VWDE: variants seen among roughly 807,000 people sequenced by gnomAD.
VWDE encodes von Willebrand factor D and EGF domains.
Under a neutral mutation model 178.4 loss-of-function variants are expected in VWDE, and 207 were observed. The observed-to-expected ratio is 1.16, with a 90% CI of 1.04 to 1.30. VWDE has a LOEUF of 1.30. VWDE is among the 50% of genes most tolerant of loss of function. The pLI, the probability that VWDE is intolerant of heterozygous loss-of-function variation, is 0.00. For synonymous variants in VWDE, 738 were observed against 651.4 expected, an observed-to-expected ratio of 1.13 and a Z score of -2.02; for missense variants, 2,287 against 1,901.3, an observed-to-expected ratio of 1.20 and a Z score of -3.77.
Position 12,364,622 on chromosome 7 carries a change from G to A in VWDE, c.2898+2735C>T, listed in dbSNP as rs1384783912. 3.3e-5 allele frequency among the ~76,000 whole-genome samples: 5 copies of A among 152,096 alleles called. No individual in the cohort carries two copies. The East Asian group carries it at 9.7e-4, about 29-fold the overall frequency. ...GAGTAAATAAATGAATAAATAAATT[G>A]GAAACAAGGAACAGCTCTTCCTTTC... On this transcript the variant is annotated intron_variant, in intron 13 of 28. Coordinates refer to ENST00000275358, the MANE Select transcript of VWDE (RefSeq NM_001135924.3).
chr7:12,378,012 T>C (rs962024111), intron 6 of VWDE, 92 bp from the exon 7 acceptor site: 1 of 922,808 alleles, frequency 1.1e-6, no homozygotes, highest in African/African-American at 1.7e-5. Flanking sequence ...ACAGCACATA[T>C]TTTACTAAAT....
At chr7:12,345,330 T>A (rs1482216054) in intron 19 of VWDE, among the ~76,000 whole-genome samples, 1 of 152,158 alleles carries the variant, frequency 6.6e-6, no homozygotes, top group Non-Finnish European at 1.5e-5. Flanking sequence ...AGCATATCTT[T>A]TTAATAACTT....
intron 27 of VWDE, among the ~76,000 whole-genome samples, chr7:12,335,674 C>T (rs1261668000): frequency 6.6e-6 from 1 of 152,156 alleles, no homozygotes; most frequent in Non-Finnish European, 1.5e-5. Flanking sequence ...CCAGGATGGT[C>T]TCGATCTCCT....
chr7:12,392,953 G>T (rs972203691), intron 2 of VWDE, among the ~76,000 whole-genome samples: 5 of 152,036 alleles, frequency 3.3e-5, no homozygotes, highest in African/African-American at 4.8e-5. Context: ...ACAAATTTGG[G>T]GATTGAGGAG....
chr7:12,395,728 TATAG>T (rs1263422244), intron 1 of VWDE, among the ~76,000 whole-genome samples: 1 of 152,130 alleles, frequency 6.6e-6, no homozygotes, highest in African/African-American at 2.4e-5. Context: ...TCAAGGACTA[TATAG>T]AAAGTTTAGA....
rs201034574 is a variant in VWDE at position 12,388,632 on chromosome 7, T to A, written c.475+495A>T. Among the ~76,000 whole-genome samples the A allele has an allele frequency of 3.3e-5, 5 of 152,326 alleles. No homozygotes were observed. In the East Asian group the frequency reaches 9.6e-4, roughly 29 times the overall value. On this transcript the variant is annotated intron_variant, in intron 3 of 28. Coordinates refer to ENST00000275358, the MANE Select transcript of VWDE (RefSeq NM_001135924.3). ...ATTCAGTTTATTTTTAGATATTGTC[T>A]GAAGCATTCCACTAGAATGTAAGTT...
intron 4 of VWDE, among the ~76,000 whole-genome samples, chr7:12,382,140 T>A (rs965618732): frequency 1.3e-4 from 20 of 151,830 alleles, no homozygotes; most frequent in Non-Finnish European, 2.7e-4. Flanking sequence ...AATACTTTCA[T>A]TTGGTGTTGC....
rs1411730077 is a variant in VWDE, at chr7:12,340,400, A to C, written c.4288T>G (p.Cys1430Gly). The C allele has an allele frequency of 1.9e-6, 3 of 1,551,438 alleles. No homozygotes were observed. The highest frequency in any genetic ancestry group is 2.4e-5 in the East Asian group (1 of 40,902). The part of the protein sequence containing the change: ...TCSTALCDPV[C>G]LNGGSCNKPN... ...TTATTACACGAACCACCATTGAGGC[A>C]GACAGGGTCGCACAAAGCTAATAAA... The change falls in exon 24 of 29, where the codon TGC (cysteine) becomes GGC (glycine). Residue 1430 changes from cysteine to glycine, a missense_variant. Cys to Gly is a radical substitution (Grantham distance 159). Transcript: ENST00000275358.
intron 1 of VWDE, among the ~76,000 whole-genome samples, chr7:12,402,261 C>G (rs1012018632): frequency 3.9e-5 from 6 of 152,142 alleles, no homozygotes; most frequent in African/African-American, 1.4e-4. Context: ...TAAATATACT[C>G]TGAATATACA....
chr7:12,379,401 A>G (rs373323398), intron 6 of VWDE, 76 bp downstream of exon 6: 7 of 1,064,848 alleles, frequency 6.6e-6, no homozygotes. Flanking sequence ...TACAGAAACC[A>G]GCATGGACAG....
chr7:12,397,484 G>A (rs1284753115), intron 1 of VWDE, among the ~76,000 whole-genome samples: 1 of 152,076 alleles, frequency 6.6e-6, no homozygotes, highest in Non-Finnish European at 1.5e-5. Flanking sequence ...AAAACCCTAG[G>A]AAGTACCTTT....
intron 1 of VWDE, among the ~76,000 whole-genome samples, chr7:12,398,026 G>A (rs147858827): frequency 6.6e-6 from 1 of 152,106 alleles, no homozygotes; most frequent in African/African-American, 2.4e-5. Flanking sequence ...ACTGAAAAAA[G>A]AACTATCATT....
intron 13 of VWDE, among the ~76,000 whole-genome samples, chr7:12,363,408 AC>A (rs776750695): frequency 3.3e-5 from 5 of 152,078 alleles, no homozygotes; most frequent in Non-Finnish European, 7.4e-5. Flanking sequence ...TTCTTGGTTA[AC>A]ATCCTGTATT....
chr7:12,340,518 T>A, intron 23 of VWDE, 101 bp from the exon 24 acceptor site: 1 of 800,270 alleles, frequency 1.2e-6, no homozygotes, highest in Non-Finnish European at 2.0e-6. Context: ...ATATTTTATT[T>A]TTACTGCAAG....
chr7:12,398,017 C>G (rs1016777190), intron 1 of VWDE, among the ~76,000 whole-genome samples: 3 of 152,056 alleles, frequency 2.0e-5, no homozygotes, highest in African/African-American at 7.2e-5. Flanking sequence ...TCTCAAAGAA[C>G]TGAAAAAAGA....
At chr7:12,376,575 T>A (rs555053914) in intron 7 of VWDE, among the ~76,000 whole-genome samples, 1 of 152,252 alleles carries the variant, frequency 6.6e-6, no homozygotes, top group African/African-American at 2.4e-5. Context: ...AATCTTTGAC[T>A]AACATGATTT....
At chr7:12,366,735 C>T (rs1353822128) in intron 13 of VWDE, among the ~76,000 whole-genome samples, 1 of 152,028 alleles carries the variant, frequency 6.6e-6, no homozygotes, top group Non-Finnish European at 1.5e-5. Flanking sequence ...AAGTTTTCAG[C>T]TTACCTACAT....
At chr7:12,387,802 T>C (rs2128560494) in intron 3 of VWDE, among the ~76,000 whole-genome samples, 1 of 152,274 alleles carries the variant, frequency 6.6e-6, no homozygotes. Flanking sequence ...TTGATAACAC[T>C]GTCTAAAAGA....
rs752180074 is a variant in VWDE at position 12,375,216 on chromosome 7, G to C, written c.1036C>G (p.Leu346Val). 23 of 1,550,506 alleles carry C rather than the reference G, an allele frequency of 1.5e-5. No homozygotes were observed. In the South Asian group the frequency reaches 2.3e-4, roughly 15 times the overall value. The change falls in exon 8 of 29, where the codon CTA becomes GTA. Residue 346 changes from leucine (L) to valine (V), a missense_variant. By Grantham distance (32) the Leu-to-Val change is conservative. Transcript: ENST00000275358. ...LKTIGQGREHLGLNLALSSCH... is the reference protein window; with the variant it reads ...LKTIGQGREHVGLNLALSSCH... ...GAAGACAGTGCCAAATTTAAGCCTA[G>C]GTGCTCTCTACCTATTTAATGAAAA... is the stretch of plus-strand genomic sequence containing the variant.
Sources: gnomAD v4.1 joint callset for allele counts (sites outside exome capture counted in the v4.1 genomes callset) on GRCh38, gnomAD v4.1.1 for gene constraint, MANE v1.5 for transcripts, NCBI Gene and HGNC (gene_info 2026-07-23, HGNC 2026-07-21) for gene names.